USP3: variants seen among roughly 807,000 people sequenced by gnomAD.
USP3 encodes ubiquitin specific peptidase 3, also known as ubiquitin carboxyl-terminal hydrolase 3.
In USP3, 20 loss-of-function variants were observed where a neutral mutation model predicts 72.3. The ratio of observed to expected loss-of-function variants is 0.28; its 90% CI spans 0.19 to 0.40. USP3 has a LOEUF of 0.40. Among genes scored for constraint, USP3 ranks in the 10% least tolerant of loss-of-function variants. USP3 has a pLI of 1.00. For synonymous variants in USP3, 222 were observed against 225.3 expected, an observed-to-expected ratio of 0.99 and a Z score of 0.13; for missense variants, 479 against 633.9, an observed-to-expected ratio of 0.76 and a Z score of 2.62.
At chr15:63,559,369 A>G (rs1329580118) in intron 6 of USP3, among the ~76,000 whole-genome samples, 3 of 152,368 alleles carry the variant, frequency 2.0e-5, no homozygotes, top group Admixed American at 2.0e-4. Context: ...AAGAAGCAGA[A>G]GGCATATTTG....
chr15:63,573,667 C>T (rs886946714), intron 9 of USP3, among the ~76,000 whole-genome samples: 1 of 152,128 alleles, frequency 6.6e-6, no homozygotes, highest in Non-Finnish European at 1.5e-5. Context: ...AGAGGCCTTG[C>T]AAAGATTCCA....
intron 4 of USP3, chr15:63,556,440 C>T: frequency 2.7e-6 from 1 of 376,332 alleles, no homozygotes. Flanking sequence ...GCCAGCTTTG[C>T]CAGGAGCAGT....
intron 1 of USP3, among the ~76,000 whole-genome samples, chr15:63,506,240 G>T (rs946164337): frequency 6.6e-6 from 1 of 152,166 alleles, no homozygotes; most frequent in Non-Finnish European, 1.5e-5. Flanking sequence ...GGGATGTTGA[G>T]TATAGAACAA....
chr15:63,533,935 A>G, intron 2 of USP3: 2 of 1,048,632 alleles, frequency 1.9e-6, no homozygotes, highest in Non-Finnish European at 2.4e-6. Context: ...ATTATAATGC[A>G]ATAAAATTTA....
chr15:63,532,653 G>C lies in USP3; in HGVS notation c.98G>C (p.Arg33Pro). Reference sequence around the variant, plus strand: ...GTATTTTTCTTTTTATTAGTGTGCCGGTCCAACAAAAGCCCTTGGGTCTGT... The same window carrying C: ...GTATTTTTCTTTTTATTAGTGTGCCCGTCCAACAAAAGCCCTTGGGTCTGT... ...SPSSWCCSVC[R>P]SNKSPWVCLT... is the part of the protein sequence containing the mutation. The change falls in exon 2 of 15, where the codon CGG (arginine) becomes CCG (proline). Residue 33 changes from arginine (R) to proline (P), a missense_variant. Arg to Pro is a moderately radical substitution (Grantham distance 103). Coordinates refer to ENST00000380324, the MANE Select transcript of USP3 (RefSeq NM_006537.4). The C allele has an allele frequency of 6.2e-7, 1 of 1,613,912 alleles. No homozygotes were observed. The highest frequency in any genetic ancestry group is 8.5e-7 in the Non-Finnish European group (1 of 1,179,904).
chr15:63,537,715 C>T lies in USP3; in HGVS notation c.284+559C>T, dbSNP rs1056141105. Among the ~76,000 whole-genome samples, 18 of 152,100 alleles carry T rather than the reference C, an allele frequency of 1.2e-4. 1 individual carries two copies. The highest frequency in any genetic ancestry group is 1.2e-4 in the African/African-American group (5 of 41,382). ...TTTTCTTTTTTTTGAGACAGAGTTT[C>T]GCTCTTGCTGCCCAGGCTGGAGTGC... On this transcript the variant is annotated intron_variant, in intron 3 of 14. Coordinates refer to ENST00000380324, the MANE Select transcript of USP3 (RefSeq NM_006537.4).
chr15:63,556,526 G>C (rs1392280712), intron 4 of USP3, 141 bp from the exon 5 acceptor site: 15 of 539,152 alleles, frequency 2.8e-5, no homozygotes, highest in Non-Finnish European at 3.3e-5. Flanking sequence ...TCAAATACGT[G>C]TGGGCCCCAG....
At chr15:63,576,772 A>C (rs375171391) in intron 11 of USP3, among the ~76,000 whole-genome samples, 1 of 152,172 alleles carries the variant, frequency 6.6e-6, no homozygotes, top group African/African-American at 2.4e-5. Flanking sequence ...TTTTTATTTA[A>C]GAGCTTATTG....
intron 11 of USP3, among the ~76,000 whole-genome samples, chr15:63,575,158 GTTTTTTTTT>G (rs11321018): frequency 8.2e-6 from 1 of 121,494 alleles, no homozygotes; most frequent in Non-Finnish European, 1.7e-5. Flanking sequence ...TGTCATGATG[GTTTTTTTTT>G]TTTTTTTTTT....
intron 1 of USP3, among the ~76,000 whole-genome samples, chr15:63,520,245 T>G (rs1447641793): frequency 6.6e-6 from 1 of 152,246 alleles, no homozygotes; most frequent in African/African-American, 2.4e-5. Flanking sequence ...AAGCCTAGTC[T>G]TGCCCCTTTC....
chr15:63,589,540 G>C (rs2152685180), intron 14 of USP3, among the ~76,000 whole-genome samples: 1 of 152,260 alleles, frequency 6.6e-6, no homozygotes, highest in South Asian at 2.1e-4. Context: ...CTGTGATAAA[G>C]TAACGTCTAC....
chr15:63,534,980 G>T (rs1215586610), intron 2 of USP3, among the ~76,000 whole-genome samples: 1 of 152,030 alleles, frequency 6.6e-6, no homozygotes, highest in Non-Finnish European at 1.5e-5. Context: ...CACCCAGGCT[G>T]CAGTGGAGTG....
Position 63,517,396 on chromosome 15 carries a change from C to G in USP3, c.91+12566C>G, listed in dbSNP as rs1413318841. On this transcript the variant is annotated intron_variant, in intron 1 of 14. Coordinates refer to ENST00000380324, the MANE Select transcript of USP3 (RefSeq NM_006537.4). ...TTGGTTTTGAAGTTTTGCTGTGCTC[C>G]CTGTATGGTTTCTATTTCTCCTGGG... Among the ~76,000 whole-genome samples the G allele has an allele frequency of 2.0e-5, 3 of 152,174 alleles. No individual in the cohort carries two copies. In the East Asian group the frequency reaches 5.8e-4, roughly 29 times the overall value.
chr15:63,556,810 C>A, intron 5 of USP3, 62 bp downstream of exon 5: 1 of 1,129,578 alleles, frequency 8.9e-7, no homozygotes, highest in Non-Finnish European at 1.3e-6. Flanking sequence ...TGTTTTGTTA[C>A]AACTCTAACA....
chr15:63,560,247 C>A (rs1465024323), intron 7 of USP3, among the ~76,000 whole-genome samples: 1 of 151,982 alleles, frequency 6.6e-6, no homozygotes, highest in African/African-American at 2.4e-5. Flanking sequence ...GAAACCCCAT[C>A]TCTACTAAAT....
At chr15:63,569,878 T>C (rs1287869989) in intron 8 of USP3, among the ~76,000 whole-genome samples, 2 of 152,248 alleles carry the variant, frequency 1.3e-5, no homozygotes, top group African/African-American at 4.8e-5. Flanking sequence ...AGTATTTAAC[T>C]CTTTCAGTAA....
At chr15:63,523,283 AC>A (rs2065941949) in intron 1 of USP3, among the ~76,000 whole-genome samples, 1 of 152,178 alleles carries the variant, frequency 6.6e-6, no homozygotes, top group South Asian at 2.1e-4. Context: ...TGAAATCTTT[AC>A]CATAGCCATG....
At chr15:63,554,503 A>G (rs571484659) in intron 4 of USP3, among the ~76,000 whole-genome samples, 2 of 152,332 alleles carry the variant, frequency 1.3e-5, no homozygotes, top group South Asian at 4.1e-4. Flanking sequence ...CTCTGGAATG[A>G]CTGCTGACTC....
At chr15:63,575,789 G>A (rs532278851) in intron 11 of USP3, among the ~76,000 whole-genome samples, 46 of 152,154 alleles carry the variant, frequency 3.0e-4, no homozygotes, top group African/African-American at 1.1e-3. Context: ...TATATCTAGG[G>A]CATGTGAGTA....
Sources: allele counts gnomAD v4.1 joint callset (sites outside exome capture counted in the v4.1 genomes callset), GRCh38; gene constraint gnomAD v4.1.1; transcripts MANE v1.5; gene names NCBI Gene and HGNC (gene_info 2026-07-23, HGNC 2026-07-21).